The following RYR3 variants were observed in gnomAD, a reference collection of about 807,000 sequenced individuals.
The protein encoded by RYR3 is brain ryanodine receptor-calcium release channel.
In RYR3, 207 loss-of-function variants were observed where a neutral mutation model predicts 584.3. The ratio of observed to expected loss-of-function variants is 0.35; its 90% CI spans 0.32 to 0.40. The LOEUF (loss-of-function observed/expected upper bound fraction) is 0.40. Among genes scored for constraint, RYR3 ranks in the 10% least tolerant of loss-of-function variants. RYR3 has a pLI of 1.00. For synonymous variants in RYR3, 2,416 were observed against 2,248.5 expected (o/e 1.07, Z -2.11); for missense variants, 5,616 against 6,089.2 (o/e 0.92, Z 2.59).
At chr15:33,704,888 G>A (rs1198495340) in intron 42 of RYR3, among the ~76,000 whole-genome samples, 3 of 152,158 alleles carry the variant, frequency 2.0e-5, no homozygotes. Flanking sequence ...TCAAGTAGTT[G>A]GGGTGGCTTA....
In RYR3 at chr15:33,581,578, G is replaced by A. The variant is rs772263314; in HGVS notation, c.1508G>A (p.Gly503Glu). 3 of 1,612,982 alleles carry A rather than the reference G, an allele frequency of 1.9e-6. No homozygotes were observed. The highest frequency in any genetic ancestry group is 2.5e-6 in the Non-Finnish European group (3 of 1,179,106). ...TACAATAGCGTAGCACACTTTGCAG[G>A]GATTGCAAGGGAAGAGAGTGGCATG... ...NVYNSVAHFAGIAREESGMAW... is the reference protein window; with the variant it reads ...NVYNSVAHFAEIAREESGMAW... The change falls in exon 14 of 104, where the codon GGG (glycine) becomes GAG (glutamate). Residue 503 changes from glycine (G) to glutamate (E), a missense_variant. Physicochemically the swap from Gly to Glu is moderately conservative, Grantham distance 98. Coordinates refer to ENST00000634891, the MANE Select transcript of RYR3 (RefSeq NM_001036.6).
intron 12 of RYR3, among the ~76,000 whole-genome samples, chr15:33,573,246 GT>G (rs2058129815): frequency 1.3e-5 from 2 of 152,130 alleles, no homozygotes; most frequent in African/African-American, 4.8e-5. Context: ...GGCTGCAAAA[GT>G]TACAGTGTTT....
chr15:33,592,431 G>T (rs529025215), intron 16 of RYR3, among the ~76,000 whole-genome samples: 1 of 152,254 alleles, frequency 6.6e-6, no homozygotes, highest in African/African-American at 2.4e-5. Flanking sequence ...CACTTCTGGG[G>T]ATCACACTTG....
chr15:33,516,004 C>T (rs2053484307), intron 3 of RYR3, among the ~76,000 whole-genome samples: 2 of 152,280 alleles, frequency 1.3e-5, no homozygotes, highest in Non-Finnish European at 1.5e-5. Flanking sequence ...TTTTGGACTT[C>T]ACTTCTTTTT....
Position 33,566,736 on chromosome 15 carries a change from G to A in RYR3, c.1205G>A (p.Arg402His), listed in dbSNP as rs757634718. ...GGATTAACACTGCAGAGATGCCAGCGTGAGGAGTCCCAGGCTGCTCGGATC... is the reference window on the plus strand; with the variant it reads ...GGATTAACACTGCAGAGATGCCAGCATGAGGAGTCCCAGGCTGCTCGGATC... The part of the protein sequence containing the change: ...DDGLTLQRCQ[R>H]EESQAARIIR... The change falls in exon 12 of 104, where the codon CGT (arginine) becomes CAT (histidine). Residue 402 changes from arginine to histidine, a missense_variant. Around this residue, in one of 9 missense-constraint regions of RYR3, gnomAD observed 1,284 missense variants for 1,344.6 expected, o/e 0.95. Coordinates refer to ENST00000634891, the MANE Select transcript of RYR3 (RefSeq NM_001036.6). 23 of 1,613,532 alleles carry A rather than the reference G, an allele frequency of 1.4e-5. No homozygotes were observed. Among genetic ancestry groups the A allele is most frequent in the Non-Finnish European group, 1.9e-5 (23 of 1,179,606 alleles).
At chr15:33,313,345 T>TA (rs1299437390) in intron 1 of RYR3, among the ~76,000 whole-genome samples, 1 of 152,226 alleles carries the variant, frequency 6.6e-6, no homozygotes, top group African/African-American at 2.4e-5. Flanking sequence ...CATTGAGCGT[T>TA]ACGCCAGATG....
intron 62 of RYR3, 37 bp from the exon 63 acceptor site, chr15:33,771,883 G>A: frequency 6.6e-7 from 1 of 1,507,528 alleles, no homozygotes; most frequent in Non-Finnish European, 9.1e-7. Flanking sequence ...CAAAAGTTCA[G>A]ATTATGCTTC....
chr15:33,377,451 A>G (rs1197357278), intron 1 of RYR3, among the ~76,000 whole-genome samples: 1 of 152,252 alleles, frequency 6.6e-6, no homozygotes, highest in African/African-American at 2.4e-5. Context: ...CTAACCGTCC[A>G]GTACTCAGTT....
chr15:33,503,824 GAAAAATTTTAAGACTGTT>G (rs2052222958), intron 3 of RYR3, 86 bp downstream of exon 3: 1 of 789,038 alleles, frequency 1.3e-6, no homozygotes, highest in Admixed American at 2.3e-5. Flanking sequence ...ACTTTGAACT[GAAAAATTTTAAGACTGTT>G]GAGATGATTC....
chr15:33,668,445 G>A (rs1408604531), intron 36 of RYR3, among the ~76,000 whole-genome samples: 1 of 152,002 alleles, frequency 6.6e-6, no homozygotes, highest in Non-Finnish European at 1.5e-5. Context: ...AAGCACTCAG[G>A]GGCAAATTTT....
At chr15:33,314,028 T>C (rs1567008098) in intron 1 of RYR3, among the ~76,000 whole-genome samples, 1 of 152,336 alleles carries the variant, frequency 6.6e-6, no homozygotes, top group East Asian at 1.9e-4. Flanking sequence ...ATTTTGGTTA[T>C]GTCCTCTGAT....
intron 9 of RYR3, among the ~76,000 whole-genome samples, chr15:33,549,901 C>A (rs1425388687): frequency 6.6e-6 from 1 of 152,092 alleles, no homozygotes; most frequent in African/African-American, 2.4e-5. Context: ...AAATTGGAAA[C>A]CTGGGACTTC....
At chr15:33,508,388 A>G (rs998231248) in intron 3 of RYR3, among the ~76,000 whole-genome samples, 2 of 152,168 alleles carry the variant, frequency 1.3e-5, no homozygotes, top group East Asian at 3.9e-4. Flanking sequence ...GGTGGCTCAC[A>G]CCTGTAATCC....
intron 16 of RYR3, among the ~76,000 whole-genome samples, chr15:33,594,571 C>G (rs675149): frequency 2.6e-5 from 4 of 152,068 alleles, no homozygotes; most frequent in African/African-American, 4.8e-5. Context: ...ACTCCTGTTA[C>G]GTTTGATAGC....
chr15:33,367,516 A>G (rs78943443), intron 1 of RYR3, among the ~76,000 whole-genome samples: 75 of 152,338 alleles, frequency 4.9e-4, no homozygotes, highest in African/African-American at 1.8e-3. Context: ...TTGTCCAGTC[A>G]TAAGAATATA....
chr15:33,683,205 A>T (rs2064754122), intron 38 of RYR3, among the ~76,000 whole-genome samples: 1 of 152,056 alleles, frequency 6.6e-6, no homozygotes, highest in Non-Finnish European at 1.5e-5. Context: ...TGTGTTTGCC[A>T]GGATGATCTC....
At chr15:33,589,973 A>G (rs2059045724) in intron 16 of RYR3, among the ~76,000 whole-genome samples, 1 of 152,144 alleles carries the variant, frequency 6.6e-6, no homozygotes, top group African/African-American at 2.4e-5. Flanking sequence ...ACCTGGGTGC[A>G]GGTGGGCTAA....
chr15:33,613,098 C>T, intron 18 of RYR3, 85 bp from the exon 19 acceptor site: 2 of 986,512 alleles, frequency 2.0e-6, no homozygotes, highest in Non-Finnish European at 3.1e-6. Context: ...CACCTCCCCA[C>T]CTCCCGCAGA....
Position 33,315,335 on chromosome 15 carries a change from A to T in RYR3, c.51+4239A>T, listed in dbSNP as rs577280320. On this transcript the variant is annotated intron_variant, in intron 1 of 103. Transcript: ENST00000634891. The stretch of plus-strand genomic sequence containing the variant: ...GCCCATTTACATAACAGCTGCATGA[A>T]GCCTGTGTTTTGGTAGATTTTCTTT... Among the ~76,000 whole-genome samples, 3 of 152,276 alleles carry T rather than the reference A, an allele frequency of 2.0e-5. No homozygotes were observed. The East Asian group carries it at 5.8e-4, about 29-fold the overall frequency.
Sources: gnomAD v4.1 joint callset for allele counts (sites outside exome capture counted in the v4.1 genomes callset) on GRCh38, gnomAD v4.1.1 for gene constraint, gnomAD v4.1.1 regional missense constraint, MANE v1.5 for transcripts, NCBI Gene and HGNC (gene_info 2026-07-23, HGNC 2026-07-21) for gene names.